Variants in TAFA4 observed in about 807,000 individuals in gnomAD.
TAFA4 encodes TAFA chemokine like family member 4.
In TAFA4, 20 loss-of-function variants were observed where a neutral mutation model predicts 21.1. That is an observed-to-expected ratio of 0.95 (90% CI 0.67 to 1.38). TAFA4 has a LOEUF of 1.38. Ranked by LOEUF, TAFA4 falls within the 40% of genes most tolerant of loss-of-function variation. The probability of loss-of-function intolerance (pLI) is 0.00; values close to 1 mark genes in which losing one functional copy is unlikely to be tolerated. For missense variants in TAFA4, 211 were observed against 180.9 expected (o/e 1.17, Z -0.95); for synonymous variants, 71 against 67.4 (o/e 1.05, Z -0.26).
At chr3:68,924,435 CAG>C (rs2090088361) in intron 1 of TAFA4, among the ~76,000 whole-genome samples, 1 of 152,076 alleles carries the variant, frequency 6.6e-6, no homozygotes, top group Non-Finnish European at 1.5e-5. Flanking sequence ...GAGTGAAACT[CAG>C]AGAGACAGGA....
At chr3:68,776,378 T>G (rs984569906) in intron 3 of TAFA4, among the ~76,000 whole-genome samples, 4 of 152,128 alleles carry the variant, frequency 2.6e-5, no homozygotes, top group African/African-American at 7.2e-5. Context: ...ATATTAGTAG[T>G]AGATAAAACA....
intron 3 of TAFA4, among the ~76,000 whole-genome samples, chr3:68,855,038 G>A (rs1705034548): frequency 2.6e-5 from 4 of 152,094 alleles, no homozygotes; most frequent in African/African-American, 9.7e-5. Flanking sequence ...GGAACTCTTA[G>A]GGGCCAGAAC....
At chr3:68,860,448 T>C (rs774453966) in intron 3 of TAFA4, among the ~76,000 whole-genome samples, 1 of 152,170 alleles carries the variant, frequency 6.6e-6, no homozygotes, top group Non-Finnish European at 1.5e-5. Flanking sequence ...GTAACTTGGA[T>C]GATGCAGCTA....
intron 4 of TAFA4, among the ~76,000 whole-genome samples, chr3:68,740,712 C>T (rs1344520241): frequency 6.6e-6 from 1 of 152,112 alleles, no homozygotes; most frequent in East Asian, 1.9e-4. Context: ...GTGTCATAAC[C>T]AAAACATCTA....
intron 1 of TAFA4, among the ~76,000 whole-genome samples, chr3:68,888,130 G>A (rs2089692611): frequency 6.6e-6 from 1 of 151,742 alleles, no homozygotes; most frequent in African/African-American, 2.4e-5. Context: ...CTAGATCATT[G>A]CTCTTAAATT....
intron 3 of TAFA4, among the ~76,000 whole-genome samples, chr3:68,850,588 C>T (rs1333083530): frequency 6.6e-6 from 1 of 152,176 alleles, no homozygotes; most frequent in Non-Finnish European, 1.5e-5. Flanking sequence ...GCCATTCTGA[C>T]TGGTGTGAGA....
At chr3:68,808,717 A>G (rs1478103211) in intron 3 of TAFA4, among the ~76,000 whole-genome samples, 2 of 152,250 alleles carry the variant, frequency 1.3e-5, no homozygotes, top group Admixed American at 1.3e-4. Context: ...CCTAGAGATA[A>G]CAATTAAGTG....
chr3:68,872,533 A>C (rs1341763521), intron 3 of TAFA4, among the ~76,000 whole-genome samples: 1 of 152,160 alleles, frequency 6.6e-6, no homozygotes, highest in African/African-American at 2.4e-5. Context: ...TTTAGTTCAA[A>C]ATAGCTAGAG....
intron 3 of TAFA4, among the ~76,000 whole-genome samples, chr3:68,756,708 A>G (rs756360102): frequency 1.3e-5 from 2 of 152,220 alleles, no homozygotes; most frequent in Non-Finnish European, 2.9e-5. Context: ...AACTACCAGC[A>G]AGAGAGAAAG....
chr3:68,838,582 C>T (rs1433997220), intron 3 of TAFA4, among the ~76,000 whole-genome samples: 4 of 152,154 alleles, frequency 2.6e-5, no homozygotes, highest in Non-Finnish European at 4.4e-5. Context: ...CTGTGAAGGG[C>T]CAGACAGTAA....
At chr3:68,847,060 C>T (rs1420778474) in intron 3 of TAFA4, among the ~76,000 whole-genome samples, 1 of 152,216 alleles carries the variant, frequency 6.6e-6, no homozygotes, top group African/African-American at 2.4e-5. Flanking sequence ...GGTAGATCTG[C>T]TGCTCTCTTC....
At chr3:68,852,456 A>G (rs901140184) in intron 3 of TAFA4, among the ~76,000 whole-genome samples, 1 of 152,160 alleles carries the variant, frequency 6.6e-6, no homozygotes, top group African/African-American at 2.4e-5. Context: ...AATTCCAGAG[A>G]GAAGCATTAG....
intron 3 of TAFA4, among the ~76,000 whole-genome samples, chr3:68,836,701 GA>G (rs1341796917): frequency 6.6e-6 from 1 of 151,968 alleles, no homozygotes. Context: ...TCTTTCAACA[GA>G]AAATTTATTT....
At chr3:68,879,291 C>A (rs72938883) in intron 3 of TAFA4, among the ~76,000 whole-genome samples, 1 of 151,842 alleles carries the variant, frequency 6.6e-6, no homozygotes, top group Non-Finnish European at 1.5e-5. Flanking sequence ...TGCACTGCCC[C>A]AATTAATTCT....
chr3:68,806,694 G>A (rs1703707189), intron 3 of TAFA4, among the ~76,000 whole-genome samples: 1 of 152,094 alleles, frequency 6.6e-6, no homozygotes, highest in Non-Finnish European at 1.5e-5. Flanking sequence ...AATTAGATGA[G>A]GTCATGAGGA....
rs200281179 is a variant in TAFA4, at chr3:68,857,810, C to CAA, written c.130+22918_130+22919dup. 3.9e-3 allele frequency among the ~76,000 whole-genome samples: 454 copies of CAA among 116,462 alleles called. 2 individuals are homozygous for CAA. Among genetic ancestry groups the CAA allele is most frequent in the African/African-American group, 0.014 (435 of 31,606 alleles). 76.4% of individuals were successfully genotyped at this position (116,462 alleles called of 152,430 possible). ...CTTTGGAAACTAACATCATTCAAAA[C>CAA]AAAAAAAAAACAAAAAGAAAAAAAA... On this transcript the variant is annotated intron_variant, in intron 3 of 5. Coordinates refer to ENST00000295569, the MANE Select transcript of TAFA4 (RefSeq NM_182522.5).
intron 3 of TAFA4, among the ~76,000 whole-genome samples, chr3:68,864,604 A>T (rs1386332209): frequency 6.6e-6 from 1 of 152,176 alleles, no homozygotes; most frequent in Non-Finnish European, 1.5e-5. Flanking sequence ...GTTACCAAAG[A>T]AAAATGAAAC....
intron 3 of TAFA4, among the ~76,000 whole-genome samples, chr3:68,788,151 C>T (rs566726168): frequency 2.6e-4 from 40 of 152,300 alleles, no homozygotes; most frequent in African/African-American, 7.2e-4. Context: ...GTGTGTAACA[C>T]GTGGCTGCAC....
intron 3 of TAFA4, among the ~76,000 whole-genome samples, chr3:68,755,013 G>A (rs1273791840): frequency 2.6e-5 from 4 of 152,096 alleles, no homozygotes; most frequent in East Asian, 3.9e-4. Context: ...TTAGAAACCC[G>A]AATCTCAATG....
Sources: allele counts gnomAD v4.1 joint callset (sites outside exome capture counted in the v4.1 genomes callset), GRCh38; gene constraint gnomAD v4.1.1; transcripts MANE v1.5; gene names NCBI Gene and HGNC (gene_info 2026-07-23, HGNC 2026-07-21).